DLG1: variants seen among roughly 807,000 people sequenced by gnomAD.
The protein encoded by DLG1 is discs large MAGUK scaffold protein 1.
Under a neutral mutation model 123.4 loss-of-function variants are expected in DLG1, and 42 were observed. The ratio of observed to expected loss-of-function variants is 0.34; its 90% CI spans 0.27 to 0.44. DLG1 has a LOEUF of 0.44. Among genes scored for constraint, DLG1 ranks in the 20% least tolerant of loss-of-function variants. The pLI, the probability that DLG1 is intolerant of heterozygous loss-of-function variation, is 1.00. For missense variants in DLG1, 942 were observed against 1,082.6 expected (o/e 0.87, Z 1.82); for synonymous variants, 317 against 356.2 (o/e 0.89, Z 1.24).
chr3:197,245,911 G>GGGGGA (rs1751490355), intron 4 of DLG1, among the ~76,000 whole-genome samples: 1 of 138,342 alleles, frequency 7.2e-6, no homozygotes, highest in East Asian at 2.3e-4. Context: ...GGGGGGGGGG[G>GGGGGA]AGGTGGCAAA....
At chr3:197,252,796 T>C (rs535533639) in intron 4 of DLG1, among the ~76,000 whole-genome samples, 1 of 152,350 alleles carries the variant, frequency 6.6e-6, no homozygotes, top group African/African-American at 2.4e-5. Flanking sequence ...TGGTAGTGGC[T>C]GCATCTCATG....
chr3:197,132,149 AT>A lies in DLG1; in HGVS notation c.1021-1479del, dbSNP rs919725529. Among the ~76,000 whole-genome samples, 350 of 146,898 alleles carry A rather than the reference AT, an allele frequency of 2.4e-3. 1 individual carries two copies. The highest frequency in any genetic ancestry group is 8.3e-3 in the African/African-American group (331 of 39,786). On this transcript the variant is annotated intron_variant, in intron 10 of 24. Transcript: ENST00000667157. ...GGTCTGAAGGTTTGTCATTTTGTTG[AT>A]TTTTTTTTCAAAGGACCAACTTTCA...
At position 197,149,938 on chromosome 3, in the gene DLG1, C is replaced by A. The variant is rs1793059557; in HGVS notation, c.484-142G>T. On this transcript the variant is annotated intron_variant, in intron 5 of 24. Transcript: ENST00000667157. ...CTTTTTATATGTTAAATAATATATC[C>A]TTTCTCCAGCACCAAACAGAAAAAA... 11 of 594,420 alleles carry A rather than the reference C, an allele frequency of 1.9e-5. 1 individual carries two copies. In the South Asian group the frequency reaches 2.4e-4, roughly 13 times the overall value. 36.8% of individuals were successfully genotyped at this position (594,420 alleles called of 1,614,324 possible). A position where few individuals can be genotyped will look rare whatever the true frequency, so the allele number is the denominator to read the frequency against.
rs1781969823 is a variant in DLG1, at chr3:197,130,549, A to G, written c.1143T>C (p.Tyr381=). The change falls in exon 11 of 25, where the codon TAT becomes TAC. Residue 381 remains tyrosine (Y), a synonymous_variant. Transcript: ENST00000667157. ...KPTSMYMNDG[Y]APPDITNSSS... ...TACAGTTGGTGATATCAGGTGGTGC[A>G]TAGCCATCATTCATATACATACTTG... 6.2e-7 allele frequency: 1 copy of G among 1,609,472 alleles called. No homozygotes were observed. The highest frequency in any genetic ancestry group is 1.7e-4 in the Middle Eastern group (1 of 6,044).
rs1441795951 is a variant in DLG1, at chr3:197,210,625, A to T, written c.319-16036T>A. 4.3e-5 allele frequency among the ~76,000 whole-genome samples: 6 copies of T among 139,218 alleles called. 1 individual carries two copies. Among genetic ancestry groups the T allele is most frequent in the African/African-American group, 1.0e-4 (4 of 38,158 alleles). The allele number at this position is 139,218 out of a possible 152,430, so 91.3% of individuals were successfully genotyped here. A position where few individuals can be genotyped will look rare whatever the true frequency, so the allele number is the denominator to read the frequency against. On this transcript the variant is annotated intron_variant, in intron 4 of 24. Coordinates refer to ENST00000667157, the MANE Select transcript of DLG1 (RefSeq NM_001366207.1). ...TAAATGTGAGTGGCCTCTCAAATTT[A>T]TATATATATATATAAGTCTTTATAA...
Position 197,229,453 on chromosome 3 carries a change from TTA to T in DLG1, c.319-34866_319-34865del, listed in dbSNP as rs1491522374. ...GGGTGACAGAGTGACAGCCTGTCTC[TTA>T]AAAAAAAAAAAAAAAAAAAAGTCCT... On this transcript the variant is annotated intron_variant, in intron 4 of 24. Coordinates refer to ENST00000667157, the MANE Select transcript of DLG1 (RefSeq NM_001366207.1). Among the ~76,000 whole-genome samples, 83 of 96,598 alleles carry T rather than the reference TTA, an allele frequency of 8.6e-4. 1 individual carries two copies. The highest frequency in any genetic ancestry group is 2.6e-3 in the African/African-American group (80 of 30,788). The allele number at this position is 96,598 out of a possible 152,430, so 63.4% of individuals were successfully genotyped here.
chr3:197,054,962 C>A (rs962880253), intron 23 of DLG1, among the ~76,000 whole-genome samples: 4 of 152,032 alleles, frequency 2.6e-5, no homozygotes, highest in African/African-American at 7.2e-5. Flanking sequence ...ATTACAGATG[C>A]CCGCCACCAC....
Position 197,043,667 on chromosome 3 carries a change from T to C in DLG1, c.*956A>G, listed in dbSNP as rs1721338039. The C allele has an allele frequency of 6.6e-6, 1 of 151,058 alleles. No individual in the cohort carries two copies. The highest frequency in any genetic ancestry group is 2.4e-5 in the African/African-American group (1 of 41,284). The allele number at this position is 151,058 out of a possible 1,614,324, so 9.4% of individuals were successfully genotyped here. On this transcript the variant is annotated 3_prime_UTR_variant, in exon 25 of 25. Coordinates refer to ENST00000667157, the MANE Select transcript of DLG1 (RefSeq NM_001366207.1). ...AGAAAGTTTTATATATATATTTATA[T>C]ATATTTTATTATAACAAAATAGGCA... is the stretch of plus-strand genomic sequence containing the variant.
intron 4 of DLG1, among the ~76,000 whole-genome samples, chr3:197,242,505 T>C (rs1749446508): frequency 6.6e-6 from 1 of 151,380 alleles, no homozygotes; most frequent in African/African-American, 2.4e-5. Flanking sequence ...TATCAGCACA[T>C]AAAACATGCT....
chr3:197,080,543 C>T (rs1469704487), intron 17 of DLG1: 2 of 150,788 alleles, frequency 1.3e-5, no homozygotes, highest in African/African-American at 4.9e-5. Context: ...CTCAATGCAA[C>T]CTCCGCCTAC....
At chr3:197,160,969 G>A (rs576804375) in intron 5 of DLG1, among the ~76,000 whole-genome samples, 1 of 152,244 alleles carries the variant, frequency 6.6e-6, no homozygotes, top group South Asian at 2.1e-4. Flanking sequence ...ACTGTTGGAA[G>A]GGCAGTTAAT....
At chr3:197,081,219 T>G in intron 16 of DLG1, 102 bp from the exon 17 acceptor site, 1 of 1,059,154 alleles carries the variant, frequency 9.4e-7, no homozygotes, top group African/African-American at 1.6e-5. Flanking sequence ...ATTTTTATAC[T>G]CTAAAACCTT....
At chr3:197,132,224 C>A (rs1783005841) in intron 10 of DLG1, among the ~76,000 whole-genome samples, 1 of 151,278 alleles carries the variant, frequency 6.6e-6, no homozygotes, top group African/African-American at 2.4e-5. Context: ...TCATTAATTT[C>A]TGCTCTAATC....
At chr3:197,110,720 G>C (rs937460170) in intron 13 of DLG1, among the ~76,000 whole-genome samples, 1 of 152,144 alleles carries the variant, frequency 6.6e-6, no homozygotes, top group African/African-American at 2.4e-5. Context: ...TGTTGTGTGT[G>C]GCCACTGAGG....
At chr3:197,112,473 T>C (rs1031048796) in intron 13 of DLG1, among the ~76,000 whole-genome samples, 3 of 152,246 alleles carry the variant, frequency 2.0e-5, no homozygotes, top group Non-Finnish European at 4.4e-5. Flanking sequence ...AATTGGGTTA[T>C]TCATCTTTTT....
At chr3:197,259,294 T>C (rs1468326800) in intron 4 of DLG1, among the ~76,000 whole-genome samples, 1 of 152,194 alleles carries the variant, frequency 6.6e-6, no homozygotes, top group African/African-American at 2.4e-5. Context: ...AAACAGGGAA[T>C]GGAAACAGAT....
At chr3:197,169,643 G>A (rs1210190133) in intron 5 of DLG1, among the ~76,000 whole-genome samples, 2 of 152,044 alleles carry the variant, frequency 1.3e-5, no homozygotes, top group Non-Finnish European at 2.9e-5. Flanking sequence ...CTCCAAAGAC[G>A]ATAAATGAAC....
intron 3 of DLG1, among the ~76,000 whole-genome samples, chr3:197,284,517 A>G (rs1039962624): frequency 1.3e-5 from 2 of 152,190 alleles, no homozygotes; most frequent in Non-Finnish European, 2.9e-5. Context: ...CACCATGAAA[A>G]TGTAAAGAAA....
intron 18 of DLG1, chr3:197,070,420 GT>G (rs79110792): frequency 5.9e-4 from 78 of 132,252 alleles, no homozygotes; most frequent in Middle Eastern, 3.8e-3. Flanking sequence ...CTAAAATTTT[GT>G]TTTTTTTTTT....
Sources: gnomAD v4.1 joint callset for allele counts (sites outside exome capture counted in the v4.1 genomes callset) on GRCh38, gnomAD v4.1.1 for gene constraint, MANE v1.5 for transcripts, NCBI Gene and HGNC (gene_info 2026-07-23, HGNC 2026-07-21) for gene names.